Variants in GTPBP4 observed in about 807,000 individuals in gnomAD.
GTPBP4 encodes GTP binding protein 4, also known as GTP-binding protein 4.
A neutral mutation model predicts 81.7 loss-of-function variants in GTPBP4; 15 were observed. That is an observed-to-expected ratio of 0.18 (90% CI 0.12 to 0.28). The LOEUF (loss-of-function observed/expected upper bound fraction) is 0.28, where lower values mean the gene tolerates loss of function less well. GTPBP4 is among the 10% of genes least tolerant of loss of function. GTPBP4 has a pLI of 1.00. For synonymous variants in GTPBP4, 272 were observed against 274.6 expected, an observed-to-expected ratio of 0.99 and a Z score of 0.09; for missense variants, 847 against 793.8, an observed-to-expected ratio of 1.07 and a Z score of -0.81.
rs187853144 is a variant in GTPBP4, at chr10:1,013,503, G to A, written c.1543-744G>A. Among the ~76,000 whole-genome samples, 301 of 152,054 alleles carry A rather than the reference G, an allele frequency of 2.0e-3. 4 individuals carry two copies. The East Asian group carries it at 0.045, about 23-fold the overall frequency. On this transcript the variant is annotated intron_variant, in intron 14 of 16. Coordinates refer to ENST00000360803, the MANE Select transcript of GTPBP4 (RefSeq NM_012341.3). ...CGGGCGCCTGTAGTCCCAGCTACTC[G>A]GGAGGCTGGGGCAGGAAAATGGTGT...
rs1250490407 is a variant in GTPBP4 at position 1,019,017 on chromosome 10, A to G, written c.*1790A>G. ...GGCTGAGACCATACGCATCTTCCGT[A>G]CTGCTTGTATTAGGATGCAAGATTG... On this transcript the variant is annotated 3_prime_UTR_variant, in exon 17 of 17. Transcript: ENST00000360803. The G allele has an allele frequency of 6.4e-6, 1 of 156,188 alleles. No homozygotes were observed. The highest frequency in any genetic ancestry group is 2.4e-5 in the African/African-American group (1 of 41,458). 9.7% of individuals were successfully genotyped at this position (156,188 alleles called of 1,614,324 possible). A position where few individuals can be genotyped will look rare whatever the true frequency, so the allele number is the denominator to read the frequency against.
chr10:1,012,111 G>A (rs930455493), intron 13 of GTPBP4, among the ~76,000 whole-genome samples: 1 of 152,232 alleles, frequency 6.6e-6, no homozygotes, highest in African/African-American at 2.4e-5. Context: ...GATGTGGCAC[G>A]AAATCAGTGT....
chr10:990,544 A>T (rs1831423273), intron 1 of GTPBP4, among the ~76,000 whole-genome samples: 1 of 151,674 alleles, frequency 6.6e-6, no homozygotes, highest in Non-Finnish European at 1.5e-5. Flanking sequence ...AACACGGTGA[A>T]ACCCCGTCTC....
rs529718359 is a variant in GTPBP4, at chr10:1,009,141, A to C, written c.1191+106A>C. On this transcript the variant is annotated intron_variant, in intron 11 of 16. Transcript: ENST00000360803. ...GAACAGGAGCCGCGGGTGCCCAGACACTGGCCCCGTCAGGCTGCGGACACA... is the reference window on the plus strand; with the variant it reads ...GAACAGGAGCCGCGGGTGCCCAGACCCTGGCCCCGTCAGGCTGCGGACACA... The C allele has an allele frequency of 5.2e-6, 4 of 775,296 alleles. No homozygotes were observed. In the South Asian group the frequency reaches 6.2e-5, roughly 12 times the overall value. The allele number at this position is 775,296 out of a possible 1,614,324, so 48.0% of individuals were successfully genotyped here.
Position 992,553 on chromosome 10 carries a change from A to G in GTPBP4, c.113A>G (p.Tyr38Cys), listed in dbSNP as rs1458160945. The change falls in exon 2 of 17, where the codon TAC (tyrosine) becomes TGC (cysteine). Residue 38 changes from tyrosine to cysteine, a missense_variant. Around this residue, in one of 3 missense-constraint regions of GTPBP4, gnomAD observed 241 missense variants for 216.3 expected, o/e 1.11. Coordinates refer to ENST00000360803, the MANE Select transcript of GTPBP4 (RefSeq NM_012341.3). Reference protein sequence around the residue: ...RKTPTVIHKHYQIHRIRHFYM... With the variant: ...RKTPTVIHKHCQIHRIRHFYM... ...ACTCCAACCGTTATTCATAAACATT[A>G]CCAAATACATCGCATTAGACATTTT... The G allele has an allele frequency of 6.2e-7, 1 of 1,601,448 alleles. No homozygotes were observed. The highest frequency in any genetic ancestry group is 1.3e-5 in the African/African-American group (1 of 74,656).
chr10:1,002,274 G>A (rs902983239), intron 8 of GTPBP4, among the ~76,000 whole-genome samples: 1 of 152,154 alleles, frequency 6.6e-6, no homozygotes, highest in African/African-American at 2.4e-5. Context: ...CCTAGGATCT[G>A]TCTAATGTTG....
chr10:1,019,513 C>T lies in GTPBP4; in HGVS notation c.*2286C>T, dbSNP rs1374363376. 2 of 1,607,430 alleles carry T rather than the reference C, an allele frequency of 1.2e-6. No homozygotes were observed. Among genetic ancestry groups the T allele is most frequent in the East Asian group, 4.5e-5 (2 of 44,690 alleles). The stretch of plus-strand genomic sequence containing the variant: ...ACACATGGCTGACTCGACCTCCCTG[C>T]CTCTCACACTCTGTGTATTTTGTGA... On this transcript the variant is annotated 3_prime_UTR_variant, in exon 17 of 17. Coordinates refer to ENST00000360803, the MANE Select transcript of GTPBP4 (RefSeq NM_012341.3).
At chr10:1,009,397 C>T in intron 11 of GTPBP4, 132 bp from the exon 12 acceptor site, 1 of 720,104 alleles carries the variant, frequency 1.4e-6, no homozygotes. Flanking sequence ...AGCCTTCCTA[C>T]CAGAAATGGA....
rs776608919 is a variant in GTPBP4 at position 1,015,782 on chromosome 10, C to T, written c.1638C>T (p.Ser546=). The change falls in exon 16 of 17, where the codon TCC becomes TCT. Residue 546 remains serine (S), a synonymous_variant. Transcript: ENST00000360803. ...ATTACGCAGTCCAGGCAAGAAGATC[C>T]CGGAGCATCACTAGGAAAAGAAAGC... ...DAHYAVQARR[S]RSITRKRKRE... 1.9e-6 allele frequency: 3 copies of T among 1,614,098 alleles called. No homozygotes were observed. The highest frequency in any genetic ancestry group is 2.5e-6 in the Non-Finnish European group (3 of 1,179,952).
intron 11 of GTPBP4, 33 bp downstream of exon 11, chr10:1,009,068 A>C: frequency 8.1e-4 from 1,195 of 1,481,222 alleles, no homozygotes; most frequent in Non-Finnish European, 1.0e-3. Flanking sequence ...CAGTGTTCTC[A>C]TGGGGGGAGG....
At chr10:998,907 G>A (rs755036261) in intron 5 of GTPBP4, 96 bp from the exon 6 acceptor site, 2 of 756,004 alleles carry the variant, frequency 2.6e-6, no homozygotes, top group Non-Finnish European at 4.8e-6. Context: ...TTCTTCTATG[G>A]TTATTTCCTA....
chr10:1,010,780 GC>G (rs1432301835), intron 13 of GTPBP4, among the ~76,000 whole-genome samples: 2 of 142,958 alleles, frequency 1.4e-5, no homozygotes, highest in African/African-American at 2.6e-5. Context: ...GAGATGCTGG[GC>G]CCCTTCGTTA....
At chr10:1,004,675 C>G (rs1477327034) in intron 8 of GTPBP4, among the ~76,000 whole-genome samples, 1 of 152,130 alleles carries the variant, frequency 6.6e-6, no homozygotes, top group East Asian at 1.9e-4. Context: ...TGCTATTTAC[C>G]AGGAGGCAGG....
At chr10:1,015,645 G>GAGCCTGGGAGCGGGGCTGGGGTC (rs1831972908) in intron 15 of GTPBP4, 108 bp from the exon 16 acceptor site, 2 of 1,482 alleles carry the variant, frequency 1.3e-3, no homozygotes, top group East Asian at 0.018. Context: ...GGTCCTGAGC[G>GAGCCTGGGAGCGGGGCTGGGGTC]CTGAGCACTG....
At chr10:990,332 A>G (rs1831419796) in intron 1 of GTPBP4, among the ~76,000 whole-genome samples, 1 of 152,112 alleles carries the variant, frequency 6.6e-6, no homozygotes, top group Admixed American at 6.5e-5. Flanking sequence ...AGTTCATTCT[A>G]GAAGATGTTG....
At chr10:992,240 A>G (rs1393213163) in intron 1 of GTPBP4, among the ~76,000 whole-genome samples, 1 of 151,474 alleles carries the variant, frequency 6.6e-6, no homozygotes, top group Admixed American at 6.6e-5. Flanking sequence ...CTCTACTAAA[A>G]ATGCAAAAAA....
Position 1,001,023 on chromosome 10 carries a change from G to A in GTPBP4, c.912+10G>A, listed in dbSNP as rs367831631. 9 of 1,572,056 alleles carry A rather than the reference G, an allele frequency of 5.7e-6. No homozygotes were observed. Among genetic ancestry groups the A allele is most frequent in the Middle Eastern group, 1.7e-4 (1 of 5,962 alleles). On this transcript the variant is annotated intron_variant, in intron 8 of 16. Transcript: ENST00000360803. ...TTCTGAAGATGATCAGGTAAATCACGTTAATATTTTGAATATTTCTTACTT... is the reference window on the plus strand; with the variant it reads ...TTCTGAAGATGATCAGGTAAATCACATTAATATTTTGAATATTTCTTACTT...
intron 10 of GTPBP4, 142 bp downstream of exon 10, chr10:1,007,270 T>C (rs1831759309): frequency 6.7e-6 from 4 of 600,286 alleles, no homozygotes; most frequent in Non-Finnish European, 1.2e-5. Context: ...CCTTCTTGCT[T>C]ACATAAAGGA....
intron 8 of GTPBP4, among the ~76,000 whole-genome samples, chr10:1,001,776 T>A (rs1011420688): frequency 2.6e-5 from 4 of 151,770 alleles, no homozygotes; most frequent in African/African-American, 9.7e-5. Context: ...TGGCAATTTT[T>A]AAAAATTGAT....
Sources: gnomAD v4.1 joint callset for allele counts (sites outside exome capture counted in the v4.1 genomes callset) on GRCh38, gnomAD v4.1.1 for gene constraint, gnomAD v4.1.1 regional missense constraint, MANE v1.5 for transcripts, NCBI Gene and HGNC (gene_info 2026-07-23, HGNC 2026-07-21) for gene names.